Variants in GRM1 observed in about 807,000 individuals in gnomAD.
GRM1 encodes the protein glutamate metabotropic receptor 1.
GRM1 carries 33 observed loss-of-function variants against 90.9 expected under a neutral mutation model. The observed-to-expected ratio is 0.36, with a 90% CI of 0.28 to 0.49. GRM1 has a LOEUF of 0.49. GRM1 is among the 20% of genes least tolerant of loss of function. The pLI is 0.99. For synonymous variants in GRM1, 700 were observed against 613.2 expected (o/e 1.14, Z -2.09); for missense variants, 1,190 against 1,534.3 (o/e 0.78, Z 3.75).
At chr6:146,049,005 A>G (rs1217469822) in intron 1 of GRM1, among the ~76,000 whole-genome samples, 1 of 151,870 alleles carries the variant, frequency 6.6e-6, no homozygotes, top group Non-Finnish European at 1.5e-5. Flanking sequence ...TTTTGAGGCT[A>G]TTATATTGTA....
At chr6:146,064,801 A>G (rs931723564) in intron 1 of GRM1, among the ~76,000 whole-genome samples, 8 of 151,924 alleles carry the variant, frequency 5.3e-5, no homozygotes, top group African/African-American at 1.4e-4. Context: ...AAAAAAAAAA[A>G]AAAAAATTTT....
intron 1 of GRM1, among the ~76,000 whole-genome samples, chr6:146,047,681 C>T (rs1197172685): frequency 1.3e-5 from 2 of 151,786 alleles, no homozygotes; most frequent in Admixed American, 1.3e-4. Context: ...GCACAGATAA[C>T]TTTGCTTCAC....
At chr6:146,046,196 A>G (rs1465256835) in intron 1 of GRM1, among the ~76,000 whole-genome samples, 1 of 152,052 alleles carries the variant, frequency 6.6e-6, no homozygotes, top group Non-Finnish European at 1.5e-5. Context: ...TATACATACA[A>G]TTAGCTGCAT....
At chr6:146,065,920 T>C (rs1775830243) in intron 1 of GRM1, among the ~76,000 whole-genome samples, 1 of 151,094 alleles carries the variant, frequency 6.6e-6, no homozygotes, top group Non-Finnish European at 1.5e-5. Context: ...GACATGCACA[T>C]AAGACAGGCA....
chr6:146,257,038 T>C lies in GRM1; in HGVS notation c.951-47573T>C, dbSNP rs1781504228. Among the ~76,000 whole-genome samples, 3 of 152,184 alleles carry C rather than the reference T, an allele frequency of 2.0e-5. No individual in the cohort carries two copies. The South Asian group carries it at 6.2e-4, about 31-fold the overall frequency. On this transcript the variant is annotated intron_variant, in intron 2 of 7. Coordinates refer to ENST00000282753, the MANE Select transcript of GRM1 (RefSeq NM_001278064.2). Reference sequence around the variant, plus strand: ...TATGCCATTTTTTCCACCTAAAGAATAGTCTCTCATCCTTCTTTATTTTTT... The same window carrying C: ...TATGCCATTTTTTCCACCTAAAGAACAGTCTCTCATCCTTCTTTATTTTTT...
intron 1 of GRM1, among the ~76,000 whole-genome samples, chr6:146,153,054 C>A (rs961018172): frequency 6.6e-6 from 1 of 152,114 alleles, no homozygotes; most frequent in Non-Finnish European, 1.5e-5. Flanking sequence ...GTACTATCTT[C>A]AGCCTGACAT....
chr6:146,088,158 G>A (rs1409201198), intron 1 of GRM1, among the ~76,000 whole-genome samples: 4 of 151,988 alleles, frequency 2.6e-5, no homozygotes, highest in African/African-American at 9.7e-5. Context: ...AATTCACTGA[G>A]GTTTTGATTT....
intron 2 of GRM1, among the ~76,000 whole-genome samples, chr6:146,210,413 A>G (rs1481047443): frequency 3.3e-5 from 5 of 152,232 alleles, no homozygotes; most frequent in Non-Finnish European, 4.4e-5. Context: ...CCGTAAGGTT[A>G]CAATGAAACT....
At chr6:146,287,331 A>G (rs1782803373) in intron 2 of GRM1, among the ~76,000 whole-genome samples, 1 of 152,086 alleles carries the variant, frequency 6.6e-6, no homozygotes, top group African/African-American at 2.4e-5. Flanking sequence ...CTTCTCTGGG[A>G]CCTTTTACTT....
intron 4 of GRM1, 96 bp downstream of exon 4, chr6:146,352,592 T>A: frequency 7.9e-7 from 1 of 1,272,970 alleles, no homozygotes; most frequent in African/African-American, 1.5e-5. Flanking sequence ...GGTTTCTGGG[T>A]GCCATGAGGA....
chr6:146,068,065 G>A (rs896136020), intron 1 of GRM1, among the ~76,000 whole-genome samples: 1 of 151,814 alleles, frequency 6.6e-6, no homozygotes, highest in Non-Finnish European at 1.5e-5. Context: ...GGCAATAATT[G>A]TTAGAATTCA....
intron 1 of GRM1, among the ~76,000 whole-genome samples, chr6:146,122,443 T>C (rs1254541528): frequency 6.6e-6 from 1 of 152,182 alleles, no homozygotes; most frequent in Non-Finnish European, 1.5e-5. Flanking sequence ...TCTCTGAAGA[T>C]GTTAGTGTTT....
chr6:146,371,248 A>G (rs1018075353), intron 5 of GRM1, among the ~76,000 whole-genome samples: 2 of 152,128 alleles, frequency 1.3e-5, no homozygotes, highest in South Asian at 2.1e-4. Context: ...ATGAAGTGCT[A>G]TAGGGACACA....
Position 146,029,258 on chromosome 6 carries a change from C to A in GRM1, c.-260C>A. The A allele has an allele frequency of 1.9e-6, 1 of 539,494 alleles. No individual in the cohort carries two copies. Among genetic ancestry groups the A allele is most frequent in the Non-Finnish European group, 3.3e-6 (1 of 299,026 alleles). 33.4% of individuals were successfully genotyped at this position (539,494 alleles called of 1,614,324 possible). ...TACTCTTGATCAATTTACCTTGATGCACTACCGGTGAAGAACGGGGACTCG... is the reference window on the plus strand; with the variant it reads ...TACTCTTGATCAATTTACCTTGATGAACTACCGGTGAAGAACGGGGACTCG... On this transcript the variant is annotated 5_prime_UTR_variant, in exon 1 of 8. Coordinates refer to ENST00000282753, the MANE Select transcript of GRM1 (RefSeq NM_001278064.2).
intron 7 of GRM1, among the ~76,000 whole-genome samples, chr6:146,426,317 C>A (rs1391146650): frequency 6.7e-6 from 1 of 149,890 alleles, no homozygotes; most frequent in African/African-American, 2.5e-5. Flanking sequence ...GACACACACA[C>A]ACACACACAG....
intron 3 of GRM1, among the ~76,000 whole-genome samples, chr6:146,314,936 C>T (rs1783914496): frequency 6.6e-6 from 1 of 152,090 alleles, no homozygotes; most frequent in Admixed American, 6.6e-5. Context: ...CCAGTGACTG[C>T]GTTTCCGAAA....
intron 2 of GRM1, among the ~76,000 whole-genome samples, chr6:146,245,194 T>G (rs1781013838): frequency 6.6e-6 from 1 of 152,130 alleles, no homozygotes. Context: ...AAAATAAAGA[T>G]AAAAAATTCA....
chr6:146,208,252 G>T (rs1184143039), intron 2 of GRM1, among the ~76,000 whole-genome samples: 1 of 152,112 alleles, frequency 6.6e-6, no homozygotes, highest in East Asian at 1.9e-4. Context: ...ACCCAAGAAG[G>T]CTAATGGCAT....
intron 2 of GRM1, among the ~76,000 whole-genome samples, chr6:146,170,613 T>C (rs1174733326): frequency 2.0e-5 from 3 of 152,222 alleles, no homozygotes; most frequent in Admixed American, 6.5e-5. Context: ...ATTTTGGTCC[T>C]TGTTTTTTAA....
Sources: gnomAD v4.1 joint callset for allele counts (sites outside exome capture counted in the v4.1 genomes callset) on GRCh38, gnomAD v4.1.1 for gene constraint, MANE v1.5 for transcripts, NCBI Gene and HGNC (gene_info 2026-07-23, HGNC 2026-07-21) for gene names.